HERC2: variants seen among roughly 807,000 people sequenced by gnomAD.
HERC2 encodes E3 ubiquitin-protein ligase HERC2.
Under a neutral mutation model 537.7 loss-of-function variants are expected in HERC2, and 102 were observed. The ratio of observed to expected loss-of-function variants is 0.19; its 90% CI spans 0.16 to 0.22. The LOEUF (loss-of-function observed/expected upper bound fraction) is 0.22. HERC2 is among the 10% of genes least tolerant of loss of function. The probability of loss-of-function intolerance (pLI) is 1.00; values close to 1 mark genes in which losing one functional copy is unlikely to be tolerated. For missense variants in HERC2, 4,236 were observed against 6,198.2 expected (o/e 0.68, Z 10.63); for synonymous variants, 2,224 against 2,466.2 (o/e 0.90, Z 2.91).
chr15:28,215,854 C>T, intron 38 of HERC2, 52 bp from the exon 39 acceptor site: 1 of 1,114,914 alleles, frequency 9.0e-7, no homozygotes, highest in Admixed American at 2.2e-5. Flanking sequence ...AAGACAAATC[C>T]CTAAAGATAT....
intron 35 of HERC2, 97 bp downstream of exon 35, chr15:28,228,121 A>C: frequency 1.9e-4 from 205 of 1,053,300 alleles, no homozygotes; most frequent in Middle Eastern, 2.9e-4. Context: ...ATAATTTACA[A>C]AAAGCTTTAA....
rs190537487 is a variant in HERC2 at position 28,166,729 on chromosome 15, G to A, written c.10554+958C>T. The stretch of plus-strand genomic sequence containing the variant: ...CCAGTCCACGGGAGTCCCAATGACC[G>A]GGTCCCAGTGACCAGTCCACGGGAG... On this transcript the variant is annotated intron_variant, in intron 68 of 92. Coordinates refer to ENST00000261609, the MANE Select transcript of HERC2 (RefSeq NM_004667.6). 4.3e-4 allele frequency among the ~76,000 whole-genome samples: 65 copies of A among 152,218 alleles called. 1 individual carries two copies. The highest frequency in any genetic ancestry group is 1.5e-3 in the African/African-American group (63 of 41,520).
Position 28,248,654 on chromosome 15 carries a change from G to A in HERC2, c.3133C>T (p.Arg1045Cys), listed in dbSNP as rs117802902. 523 of 1,613,782 alleles carry A rather than the reference G, an allele frequency of 3.2e-4. 3 individuals carry two copies. The East Asian group carries it at 1.0e-2, about 31-fold the overall frequency. The change falls in exon 21 of 93, where the codon CGT (arginine) becomes TGT (cysteine). Residue 1045 changes from arginine (R) to cysteine (C), a missense_variant. By Grantham distance (180) the Arg-to-Cys change is radical (BLOSUM62 -3). Coordinates refer to ENST00000261609, the MANE Select transcript of HERC2 (RefSeq NM_004667.6). ...AAATCCAATGAAGCAGATCTTTCACGACTGTGTTGCTCAAAGTCCAGACAT... is the reference window on the plus strand; with the variant it reads ...AAATCCAATGAAGCAGATCTTTCACAACTGTGTTGCTCAAAGTCCAGACAT... ...SSCLDFEQHS[R>C]ERSASLDLLL...
At chr15:28,169,110 G>A (rs913943808) in intron 66 of HERC2, among the ~76,000 whole-genome samples, 1 of 152,098 alleles carries the variant, frequency 6.6e-6, no homozygotes, top group Non-Finnish European at 1.5e-5. Flanking sequence ...GAAAAATACT[G>A]CAAAATGCCG....
intron 23 of HERC2, among the ~76,000 whole-genome samples, chr15:28,241,620 G>C (rs1903132072): frequency 1.3e-5 from 2 of 152,224 alleles, no homozygotes; most frequent in African/African-American, 4.8e-5. Context: ...AGGAGATCAA[G>C]ACCATCCTGG....
At chr15:28,211,790 G>A (rs1364154671) in intron 43 of HERC2, among the ~76,000 whole-genome samples, 1 of 152,232 alleles carries the variant, frequency 6.6e-6, no homozygotes, top group Non-Finnish European at 1.5e-5. Flanking sequence ...AGAGTTGAAA[G>A]TGCTTACATC....
intron 10 of HERC2, 96 bp from the exon 11 acceptor site, chr15:28,269,532 A>C: frequency 1.0e-6 from 1 of 955,494 alleles, no homozygotes; most frequent in Non-Finnish European, 1.6e-6. Context: ...AAACAAAGCA[A>C]ATAAAGAGAA....
intron 4 of HERC2, among the ~76,000 whole-genome samples, chr15:28,287,048 C>T (rs563074942): frequency 5.3e-5 from 8 of 151,998 alleles, no homozygotes; most frequent in South Asian, 2.1e-4. Context: ...TGTGCGTGCG[C>T]GCTGTAAAAT....
chr15:28,319,138 TC>T (rs1453799330), intron 2 of HERC2, among the ~76,000 whole-genome samples: 1 of 152,082 alleles, frequency 6.6e-6, no homozygotes, highest in African/African-American at 2.4e-5. Flanking sequence ...ACACCACCAT[TC>T]ATTCCTTGTG....
intron 70 of HERC2, among the ~76,000 whole-genome samples, chr15:28,146,658 G>A (rs555733909): frequency 4.0e-5 from 6 of 151,148 alleles, no homozygotes; most frequent in Non-Finnish European, 8.8e-5. Flanking sequence ...ACTGACCAGG[G>A]GCTGTGGGAA....
At chr15:28,141,326 G>C (rs1408891438) in intron 78 of HERC2, 106 bp downstream of exon 78, 1 of 870,984 alleles carries the variant, frequency 1.1e-6, no homozygotes, top group Non-Finnish European at 1.9e-6. Flanking sequence ...TTAATCCTGA[G>C]AAACGTTTTA....
chr15:28,269,353 G>T lies in HERC2; in HGVS notation c.1341C>A (p.Gly447=). Residue 447 remains glycine (G), a synonymous_variant, in exon 11 of 93, where the codon GGC becomes GGA. Transcript: ENST00000261609. Reference sequence around the variant, plus strand: ...TCTGTGTGACTCCCAGGTTGGCCAGGCCTTCGCACTGGATTGGACCAATCA... The same window carrying T: ...TCTGTGTGACTCCCAGGTTGGCCAGTCCTTCGCACTGGATTGGACCAATCA... ...ANVIGPIQCE[G]LANLGVTQIA... is the part of the protein sequence containing the mutation. 6.2e-7 allele frequency: 1 copy of T among 1,614,186 alleles called. No homozygotes were observed. Among genetic ancestry groups the T allele is most frequent in the African/African-American group, 1.3e-5 (1 of 75,062 alleles).
intron 19 of HERC2, 29 bp downstream of exon 19, chr15:28,255,843 C>A (rs751415645): frequency 6.3e-6 from 10 of 1,593,452 alleles, no homozygotes; most frequent in Admixed American, 1.7e-5. Context: ...CAGTGCACCA[C>A]CAGGTCACGT....
chr15:28,117,497 C>T, intron 86 of HERC2: 2 of 601,344 alleles, frequency 3.3e-6, no homozygotes, highest in South Asian at 1.5e-5. Flanking sequence ...GGACCATCCT[C>T]ACACCCTAAG....
chr15:28,122,118 A>G lies in HERC2; in HGVS notation c.13189-689T>C, dbSNP rs111439917. ...ACAGAAAAGACAGACCGGGGAGGGG[A>G]AACAAGGTCCTGGCTGGGATCACAC... On this transcript the variant is annotated intron_variant, in intron 85 of 92. Coordinates refer to ENST00000261609, the MANE Select transcript of HERC2 (RefSeq NM_004667.6). This position sits in a 1 kb window ranked among gnomAD's most constrained non-coding sequence, Gnocchi z 4.1. Among the ~76,000 whole-genome samples the G allele has an allele frequency of 1, 2 of 2 alleles. 1 individual carries two copies. Among genetic ancestry groups the G allele is most frequent in the Non-Finnish European group, 1 (2 of 2 alleles). The allele number at this position is 2 out of a possible 152,430, so 0.0% of individuals were successfully genotyped here.
intron 19 of HERC2, 50 bp from the exon 20 acceptor site, chr15:28,254,568 T>A (rs373062724): frequency 1.5e-6 from 2 of 1,330,190 alleles, no homozygotes; most frequent in African/African-American, 1.5e-5. Context: ...TTACCAGGTG[T>A]GAAGACACAC....
chr15:28,152,157 G>C (rs1349566055), intron 70 of HERC2, among the ~76,000 whole-genome samples: 1 of 152,222 alleles, frequency 6.6e-6, no homozygotes, highest in Non-Finnish European at 1.5e-5. Context: ...GCAGAAGGAC[G>C]GGCCTGAGGA....
rs762943195 is a variant in HERC2 at position 28,268,432 on chromosome 15, A to AGT, written c.1598+31_1598+32dup. ...TTAGGATATGGCAACATAAAAGGAGAGTGTGTCCCCTACAGGAATAAGCGA... is the reference window on the plus strand; with the variant it reads ...TTAGGATATGGCAACATAAAAGGAGAGTGTGTGTCCCCTACAGGAATAAGCGA... On this transcript the variant is annotated intron_variant, in intron 12 of 92. Transcript: ENST00000261609. This position sits in a 1 kb window ranked among gnomAD's most constrained non-coding sequence, Gnocchi z 4.7. The AGT allele has an allele frequency of 1.7e-5, 27 of 1,593,140 alleles. No homozygotes were observed. The highest frequency in any genetic ancestry group is 2.2e-5 in the Non-Finnish European group (26 of 1,165,678).
In HERC2 at chr15:28,274,274, G is replaced by A. The variant is rs776103174; in HGVS notation, c.800+17C>T. On this transcript the variant is annotated intron_variant, in intron 7 of 92. Coordinates refer to ENST00000261609, the MANE Select transcript of HERC2 (RefSeq NM_004667.6). ...CCAGCTGTCTGCGTGCAGAAGGCAA[G>A]AAAGGAAAGAACTCACCCCGTCACG... 5 of 1,613,432 alleles carry A rather than the reference G, an allele frequency of 3.1e-6. No homozygotes were observed. The African/African-American group carries it at 5.3e-5, about 17-fold the overall frequency.
Sources: gnomAD v4.1 joint callset for allele counts (sites outside exome capture counted in the v4.1 genomes callset) on GRCh38, gnomAD v4.1.1 for gene constraint, Gnocchi (gnomAD v3.1) non-coding constraint, MANE v1.5 for transcripts, NCBI Gene and HGNC (gene_info 2026-07-23, HGNC 2026-07-21) for gene names.